The following CCDC201 variants were observed in gnomAD, a reference collection of about 807,000 sequenced individuals.
The protein encoded by CCDC201 is coiled-coil domain containing 201.
chr7:45,879,681 T>A, the CCDC201 span, among the ~76,000 whole-genome samples: 1 of 152,226 alleles, frequency 6.6e-6, no homozygotes, highest in African/African-American at 2.4e-5. Context: ...ACAGTGGGAA[T>A]TATAATTTGA....
chr7:45,870,999 T>C (rs1019905332), intron 1 of CCDC201, among the ~76,000 whole-genome samples: 1 of 152,246 alleles, frequency 6.6e-6, no homozygotes, highest in Non-Finnish European at 1.5e-5. Flanking sequence ...ATATTTTTAT[T>C]AACAGAAACT....
chr7:45,861,416 A>G (rs919803691), exon 3 of CCDC201: 1 of 152,240 alleles, frequency 6.6e-6, no homozygotes, highest in Non-Finnish European at 1.5e-5. Context: ...CATAAAACCT[A>G]TAAATGTTTA....
chr7:45,872,286 G>A (rs1415241263), intron 1 of CCDC201, among the ~76,000 whole-genome samples: 1 of 152,216 alleles, frequency 6.6e-6, no homozygotes, highest in Non-Finnish European at 1.5e-5. Context: ...GTTGGGAGAG[G>A]GAGTTACTTC....
chr7:45,875,439 C>CAAAA (rs34636507), upstream of CCDC201, among the ~76,000 whole-genome samples: 3 of 104,892 alleles, frequency 2.9e-5, no homozygotes, highest in Admixed American at 9.7e-5. Context: ...AGGCTTCAGT[C>CAAAA]AAAAAAAAAA....
intron 2 of CCDC201, among the ~76,000 whole-genome samples, chr7:45,864,449 G>A (rs1238884520): frequency 6.6e-6 from 1 of 152,228 alleles, no homozygotes; most frequent in Non-Finnish European, 1.5e-5. Flanking sequence ...CCATGGGGAT[G>A]CTGACTAGCA....
chr7:45,874,412 C>T (rs1786776623), upstream of CCDC201, among the ~76,000 whole-genome samples: 1 of 152,226 alleles, frequency 6.6e-6, no homozygotes, highest in African/African-American at 2.4e-5. Context: ...TGAATGAATG[C>T]TGTCACTGGC....
chr7:45,871,146 G>T (rs769920054), intron 1 of CCDC201, among the ~76,000 whole-genome samples: 32 of 152,156 alleles, frequency 2.1e-4, no homozygotes, highest in Non-Finnish European at 3.8e-4. Flanking sequence ...ACAAATGTAT[G>T]CCCAGAACAG....
chr7:45,874,156 G>T (rs1018190931), upstream of CCDC201, among the ~76,000 whole-genome samples: 1 of 151,940 alleles, frequency 6.6e-6, no homozygotes, highest in African/African-American at 2.4e-5. Context: ...TGCGTGATCT[G>T]CCCGCCTGGC....
upstream of CCDC201, among the ~76,000 whole-genome samples, chr7:45,873,940 T>C (rs13228279): frequency 0.12 from 16,304 of 135,398 alleles, 1,021 homozygotes; most frequent in Non-Finnish European, 0.15. Context: ...TTTTTTTTTT[T>C]CAGACAGAAT....
exon 3 of CCDC201, chr7:45,860,045 GAA>G (rs1266723759): frequency 6.2e-6 from 1 of 162,568 alleles, no homozygotes; most frequent in African/African-American, 2.4e-5. Flanking sequence ...GTCTGAGTTT[GAA>G]AAGAGAATCA....
chr7:45,880,315 T>C, the CCDC201 span, among the ~76,000 whole-genome samples: 1 of 152,260 alleles, frequency 6.6e-6, no homozygotes, highest in Non-Finnish European at 1.5e-5. Context: ...GCATTATTTG[T>C]AATGAAGAAA....
chr7:45,861,268 GT>G (rs1224139284), exon 3 of CCDC201: 2 of 152,092 alleles, frequency 1.3e-5, no homozygotes, highest in African/African-American at 2.4e-5. Flanking sequence ...AATATAGGCA[GT>G]TTTTTTCTGC....
upstream of CCDC201, among the ~76,000 whole-genome samples, chr7:45,876,180 A>T (rs1385474253): frequency 6.6e-6 from 1 of 152,118 alleles, no homozygotes; most frequent in African/African-American, 2.4e-5. Context: ...GGCCATGTTG[A>T]ATCTTGTAGA....
chr7:45,860,692 G>A (rs183127050), exon 3 of CCDC201: 39 of 152,184 alleles, frequency 2.6e-4, no homozygotes, highest in Admixed American at 9.2e-4. Flanking sequence ...GTTTCTCATC[G>A]TCTCCTGTCC....
chr7:45,872,062 A>G (rs1786748961), intron 1 of CCDC201, among the ~76,000 whole-genome samples: 1 of 152,216 alleles, frequency 6.6e-6, no homozygotes, highest in Non-Finnish European at 1.5e-5. Context: ...GCTAAAAACA[A>G]TGTTTCCTTA....
chr7:45,876,487 G>T (rs4455746), upstream of CCDC201, among the ~76,000 whole-genome samples: 3,499 of 152,154 alleles, frequency 0.023, 126 homozygotes, highest in African/African-American at 0.079. Flanking sequence ...GCACAAAGCT[G>T]GCCAGGCCAC....
At chr7:45,884,950 T>G in the CCDC201 span, among the ~76,000 whole-genome samples, 1 of 151,996 alleles carries the variant, frequency 6.6e-6, no homozygotes, top group African/African-American at 2.4e-5. Context: ...CTGCGGTCAC[T>G]GTTGGGTGAG....
At chr7:45,872,519 G>T (rs992003242) in intron 1 of CCDC201, among the ~76,000 whole-genome samples, 3 of 152,238 alleles carry the variant, frequency 2.0e-5, no homozygotes, top group African/African-American at 7.2e-5. Context: ...TAATGCTGAG[G>T]TTCCAAAGGC....
chr7:45,867,241 G>C (rs1786688252), intron 1 of CCDC201, among the ~76,000 whole-genome samples: 2 of 152,124 alleles, frequency 1.3e-5, no homozygotes, highest in South Asian at 4.1e-4. Flanking sequence ...TGGTGTCTCA[G>C]ACACACACAT....
Sources: allele counts gnomAD v4.1 joint callset (sites outside exome capture counted in the v4.1 genomes callset), GRCh38; gene constraint gnomAD v4.1.1; transcripts MANE v1.5; gene names NCBI Gene and HGNC (gene_info 2026-07-23, HGNC 2026-07-21).